Variants in PXMP2 observed in about 807,000 individuals in gnomAD.
PXMP2 encodes peroxisomal membrane protein 2.
Under a neutral mutation model 20.2 loss-of-function variants are expected in PXMP2, and 13 were observed. The observed-to-expected ratio is 0.64, with a 90% CI of 0.42 to 1.02. The LOEUF is 1.02. Ranked by LOEUF, PXMP2 falls within the 50% of genes least tolerant of loss-of-function variation. PXMP2 has a pLI of 0.00. For missense variants in PXMP2, 284 were observed against 251.8 expected, an observed-to-expected ratio of 1.13 and a Z score of -0.87; for synonymous variants, 113 against 111.2, an observed-to-expected ratio of 1.02 and a Z score of -0.10.
rs775058672 is a variant in PXMP2, at chr12:132,690,311, G to A, written c.171G>A (p.Lys57=). 2 of 1,614,038 alleles carry A rather than the reference G, an allele frequency of 1.2e-6. No homozygotes were observed. The highest frequency in any genetic ancestry group is 1.7e-6 in the Non-Finnish European group (2 of 1,179,972). The change falls in exon 2 of 5, where the codon AAG becomes AAA. Residue 57 remains lysine, a synonymous_variant. Transcript: ENST00000317479. The stretch of plus-strand genomic sequence containing the variant: ...ACTTCCTGGCCCAGATGATTGAGAA[G>A]AAGCGGAAAAAAGAAAACTCTAGAA... ...LGNFLAQMIE[K]KRKKENSRSL...
intron 2 of PXMP2, among the ~76,000 whole-genome samples, chr12:132,693,335 C>T (rs542987596): frequency 3.8e-5 from 1 of 26,382 alleles, no homozygotes; most frequent in Non-Finnish European, 9.5e-5. Flanking sequence ...AGTTAGTGAG[C>T]GCCCTTGCCA....
intron 3 of PXMP2, among the ~76,000 whole-genome samples, chr12:132,700,787 C>T (rs897986969): frequency 6.6e-6 from 1 of 150,572 alleles, no homozygotes; most frequent in East Asian, 1.9e-4. Context: ...TTTATGGTGT[C>T]AGGTCTTGGG....
intron 4 of PXMP2, among the ~76,000 whole-genome samples, chr12:132,703,380 C>T (rs763519295): frequency 2.6e-5 from 4 of 152,008 alleles, no homozygotes; most frequent in African/African-American, 9.7e-5. Context: ...TGGGTGCAGA[C>T]GTGAAGCTGC....
intron 3 of PXMP2, among the ~76,000 whole-genome samples, chr12:132,700,051 T>TTTTTTTTTTTTG (rs2043430528): frequency 6.6e-6 from 1 of 151,442 alleles, no homozygotes; most frequent in Non-Finnish European, 1.5e-5. Flanking sequence ...CCTTTTTTTT[T>TTTTTTTTTTTTG]TTTTTTTTGA....
rs1565989684 is a variant in PXMP2 at position 132,690,306 on chromosome 12, G to A, written c.166G>A (p.Glu56Lys). The change falls in exon 2 of 5, where the codon GAG (glutamate) becomes AAG (lysine). Residue 56 changes from glutamate to lysine, a missense_variant. Coordinates refer to ENST00000317479, the MANE Select transcript of PXMP2 (RefSeq NM_018663.3). ...TGGGAACTTCCTGGCCCAGATGATT[G>A]AGAAGAAGCGGAAAAAAGAAAACTC... ...ALGNFLAQMI[E>K]KKRKKENSRS... 2.5e-6 allele frequency: 4 copies of A among 1,614,044 alleles called. No homozygotes were observed. Among genetic ancestry groups the A allele is most frequent in the Admixed American group, 3.3e-5 (2 of 60,014 alleles).
In PXMP2 at chr12:132,695,911, C is replaced by T. The variant is rs1357209484; in HGVS notation, c.264C>T (p.His88=). 6.2e-7 allele frequency: 1 copy of T among 1,608,090 alleles called. No homozygotes were observed. The highest frequency in any genetic ancestry group is 1.3e-5 in the African/African-American group (1 of 74,942). ...TCTTCTTCACAGGGCCGCTGAGTCA[C>T]TTCTTCTACTTCTTCATGGAACATT... ...YGFFFTGPLS[H]FFYFFMEHWI... The change falls in exon 3 of 5, where the codon CAC becomes CAT. Residue 88 remains histidine (H), a synonymous_variant. Transcript: ENST00000317479.
intron 2 of PXMP2, among the ~76,000 whole-genome samples, chr12:132,693,228 C>T (rs538517663): frequency 1.6e-5 from 1 of 62,000 alleles, no homozygotes; most frequent in African/African-American, 5.5e-5. Context: ...GCTCCCTTAG[C>T]CAGTTAGTGA....
intron 1 of PXMP2, 178 bp downstream of exon 1, chr12:132,687,970 G>C (rs991698085): frequency 7.3e-6 from 4 of 544,458 alleles, no homozygotes. Flanking sequence ...CGCGTCCGCA[G>C]TCAGCGATTG....
chr12:132,701,425 C>T, intron 4 of PXMP2, 56 bp downstream of exon 4: 51 of 1,587,750 alleles, frequency 3.2e-5, no homozygotes, highest in Non-Finnish European at 4.2e-5. Context: ...CTTTTCCTTC[C>T]TTCCTTCCTT....
At chr12:132,701,138 C>T in intron 3 of PXMP2, 112 bp from the exon 4 acceptor site, 1 of 1,479,936 alleles carries the variant, frequency 6.8e-7, no homozygotes, top group Non-Finnish European at 9.3e-7. Context: ...TGCGTACACA[C>T]AGAACAAAAT....
intron 2 of PXMP2, 73 bp from the exon 3 acceptor site, chr12:132,695,810 TG>T: frequency 6.8e-7 from 1 of 1,471,726 alleles, no homozygotes; most frequent in Non-Finnish European, 9.2e-7. Flanking sequence ...ACCTGGGATT[TG>T]GGGGTGAAGC....
At chr12:132,697,293 A>AAAATAAATAAAT (rs139853460) in intron 3 of PXMP2, among the ~76,000 whole-genome samples, 1 of 150,984 alleles carries the variant, frequency 6.6e-6, no homozygotes, top group East Asian at 1.9e-4. Context: ...TCAAAAGACA[A>AAAATAAATAAAT]AAATAAATAA....
At chr12:132,699,424 GA>G (rs2043426467) in intron 3 of PXMP2, among the ~76,000 whole-genome samples, 1 of 149,892 alleles carries the variant, frequency 6.7e-6, no homozygotes, top group South Asian at 2.1e-4. Context: ...CCCTGTCTTG[GA>G]AAAAAAAAGT....
At chr12:132,688,059 C>G in intron 1 of PXMP2, 1 of 222,362 alleles carries the variant, frequency 4.5e-6, no homozygotes, top group Non-Finnish European at 8.3e-6. Flanking sequence ...AGGTTCCACC[C>G]AAGGACCCAA....
chr12:132,692,043 A>C (rs2043370655), intron 2 of PXMP2, among the ~76,000 whole-genome samples: 1 of 145,084 alleles, frequency 6.9e-6, no homozygotes, highest in Non-Finnish European at 1.5e-5. Context: ...CTTGCCAGTT[A>C]GTGAGCTCCC....
rs373882774 is a variant in PXMP2 at position 132,701,251 on chromosome 12, G to A, written c.401G>A (p.Gly134Glu). 50 of 1,613,672 alleles carry A rather than the reference G, an allele frequency of 3.1e-5. No individual in the cohort carries two copies. Among genetic ancestry groups the A allele is most frequent in the Non-Finnish European group, 3.8e-5 (45 of 1,179,958 alleles). The part of the protein sequence containing the change: ...LFFLIMNFLE[G>E]KDASAFAAKM... Reference sequence around the variant, plus strand: ...CCACCCGCCTTCCCTCCTTTGCAGGGGAAAGACGCCTCAGCCTTCGCCGCC... The same window carrying A: ...CCACCCGCCTTCCCTCCTTTGCAGGAGAAAGACGCCTCAGCCTTCGCCGCC... The change falls in exon 4 of 5, where the codon GGG becomes GAG. Residue 134 changes from glycine (G) to glutamate (E), a missense_variant and splice_region_variant. Coordinates refer to ENST00000317479, the MANE Select transcript of PXMP2 (RefSeq NM_018663.3).
intron 4 of PXMP2, 60 bp from the exon 5 acceptor site, chr12:132,704,559 C>G: frequency 7.7e-7 from 1 of 1,296,288 alleles, no homozygotes; most frequent in Non-Finnish European, 1.0e-6. Context: ...GTGACTGAGG[C>G]TGGATAACTG....
Position 132,689,395 on chromosome 12 carries a change from A to C in PXMP2, c.123-868A>C, listed in dbSNP as rs2043352698. Among the ~76,000 whole-genome samples, 4 of 152,320 alleles carry C rather than the reference A, an allele frequency of 2.6e-5. No homozygotes were observed. In the South Asian group the frequency reaches 8.3e-4, roughly 32 times the overall value. On this transcript the variant is annotated intron_variant, in intron 1 of 4. Coordinates refer to ENST00000317479, the MANE Select transcript of PXMP2 (RefSeq NM_018663.3). ...GAAGTGGAGCAGAGGCTCTCCTGGC[A>C]CAGGGAACAGCAGGGCAAAGGTCTC...
At position 132,696,650 on chromosome 12, in the gene PXMP2, T is replaced by C. The variant is rs1426933756; in HGVS notation, c.399+604T>C. ...TCGTCTCTACTAAAAATACAAAAAA[T>C]TTAGCTGGGCACAGTGGCAGTCGCC... On this transcript the variant is annotated intron_variant, in intron 3 of 4. Transcript: ENST00000317479. The surrounding 1 kb of genome is among the most constrained non-coding windows in gnomAD (Gnocchi z 4.4). Among the ~76,000 whole-genome samples, 1 of 151,558 alleles carries C rather than the reference T, an allele frequency of 6.6e-6. No individual in the cohort carries two copies. Among genetic ancestry groups the C allele is most frequent in the African/African-American group, 2.4e-5 (1 of 41,236 alleles).
Sources: allele counts gnomAD v4.1 joint callset (sites outside exome capture counted in the v4.1 genomes callset), GRCh38; gene constraint gnomAD v4.1.1; non-coding constraint Gnocchi (gnomAD v3.1); transcripts MANE v1.5; gene names NCBI Gene and HGNC (gene_info 2026-07-23, HGNC 2026-07-21).